The following LRRC4C variants were observed in gnomAD, a reference collection of about 807,000 sequenced individuals.
LRRC4C encodes leucine-rich repeat-containing protein 4C.
Under a neutral mutation model 33.6 loss-of-function variants are expected in LRRC4C, and 5 were observed. The ratio of observed to expected loss-of-function variants is 0.15; its 90% CI spans 0.08 to 0.31. The LOEUF (loss-of-function observed/expected upper bound fraction) is 0.31. Among genes scored for constraint, LRRC4C ranks in the 10% least tolerant of loss-of-function variants. The pLI, the probability that LRRC4C is intolerant of heterozygous loss-of-function variation, is 1.00. For synonymous variants in LRRC4C, 329 were observed against 302.0 expected (o/e 1.09, Z -0.93); for missense variants, 560 against 796.7 (o/e 0.70, Z 3.58).
chr11:40,984,893 C>CTGTTTTTTTTTTTTTTTT (rs1852880125), intron 1 of LRRC4C, among the ~76,000 whole-genome samples: 1 of 52,246 alleles, frequency 1.9e-5, no homozygotes. Flanking sequence ...CTCACTGACA[C>CTGTTTTTTTTTTTTTTTT]TTTTTTTTTT....
At chr11:41,265,083 T>G (rs1949104719) in intron 1 of LRRC4C, among the ~76,000 whole-genome samples, 1 of 152,126 alleles carries the variant, frequency 6.6e-6, no homozygotes, top group Non-Finnish European at 1.5e-5. Flanking sequence ...TTGCAGAAGC[T>G]CCATAATTTT....
intron 2 of LRRC4C, among the ~76,000 whole-genome samples, chr11:40,882,214 T>A (rs1955214930): frequency 6.6e-6 from 1 of 152,100 alleles, no homozygotes; most frequent in African/African-American, 2.4e-5. Context: ...CCACAAGTGA[T>A]CATCTGGAAA....
chr11:40,336,686 C>T (rs115842613), intron 3 of LRRC4C, among the ~76,000 whole-genome samples: 1,782 of 152,034 alleles, frequency 0.012, 34 homozygotes, highest in African/African-American at 0.04. Flanking sequence ...TGCAGAAGAG[C>T]GAATCAGGGG....
At chr11:40,597,498 T>G (rs1221369554) in intron 3 of LRRC4C, among the ~76,000 whole-genome samples, 1 of 152,206 alleles carries the variant, frequency 6.6e-6, no homozygotes, top group African/African-American at 2.4e-5. Flanking sequence ...TGTATTTCAC[T>G]TCTCATCATT....
chr11:40,954,869 G>A (rs1297615820), intron 1 of LRRC4C, among the ~76,000 whole-genome samples: 2 of 151,772 alleles, frequency 1.3e-5, no homozygotes, highest in Non-Finnish European at 2.9e-5. Flanking sequence ...ACAACAGCAG[G>A]AATTACAGAA....
At chr11:40,857,848 G>A (rs1448446988) in intron 2 of LRRC4C, among the ~76,000 whole-genome samples, 1 of 151,918 alleles carries the variant, frequency 6.6e-6, no homozygotes, top group Non-Finnish European at 1.5e-5. Flanking sequence ...CCAGGAGGTC[G>A]AGGCTGCATT....
chr11:40,200,779 A>AG, intron 5 of LRRC4C, among the ~76,000 whole-genome samples: 2 of 149,332 alleles, frequency 1.3e-5, no homozygotes, highest in South Asian at 2.1e-4. Flanking sequence ...AAAAAAAAAA[A>AG]AAAAAAAAAG....
At chr11:41,161,155 G>A (rs768071164) in intron 1 of LRRC4C, among the ~76,000 whole-genome samples, 4 of 152,096 alleles carry the variant, frequency 2.6e-5, no homozygotes, top group Non-Finnish European at 4.4e-5. Context: ...TCCATGTAAC[G>A]TAGTGTGCTT....
chr11:40,538,275 C>T (rs1420891795), intron 3 of LRRC4C, among the ~76,000 whole-genome samples: 1 of 151,802 alleles, frequency 6.6e-6, no homozygotes, highest in African/African-American at 2.4e-5. Flanking sequence ...TAATGCTATC[C>T]CTCCCCCTTC....
Position 41,366,199 on chromosome 11 carries a change from CAGATAGATAGATAGATAGAT to C in LRRC4C, c.-496+93212_-496+93231del, listed in dbSNP as rs58970527. On this transcript the variant is annotated intron_variant, in intron 1 of 6. Coordinates refer to ENST00000528697, the MANE Select transcript of LRRC4C (RefSeq NM_001258419.2). ...ATATCTAGATAGATAGATAGATAGA[CAGATAGATAGATAGATAGAT>C]AGATAGATAGATAGATAGATAGATA... 4.6e-3 allele frequency among the ~76,000 whole-genome samples: 690 copies of C among 148,792 alleles called. 6 individuals carry two copies. The highest frequency in any genetic ancestry group is 0.016 in the African/African-American group (649 of 40,050).
chr11:40,624,945 T>C (rs1479768325), intron 3 of LRRC4C, among the ~76,000 whole-genome samples: 1 of 152,120 alleles, frequency 6.6e-6, no homozygotes, highest in Admixed American at 6.5e-5. Flanking sequence ...GAGGCCATAG[T>C]AAGCTCAAAG....
intron 2 of LRRC4C, among the ~76,000 whole-genome samples, chr11:40,907,267 T>C (rs1011389258): frequency 4.6e-5 from 7 of 152,180 alleles, no homozygotes; most frequent in African/African-American, 1.7e-4. Context: ...CTTTTTCCTG[T>C]AGCTGGACAC....
chr11:40,260,593 C>T (rs921938596), intron 4 of LRRC4C, among the ~76,000 whole-genome samples: 1 of 151,926 alleles, frequency 6.6e-6, no homozygotes, highest in African/African-American at 2.4e-5. Context: ...CAAAAATGTC[C>T]CGTTTACCAC....
intron 6 of LRRC4C, among the ~76,000 whole-genome samples, chr11:40,127,697 G>A (rs1049763409): frequency 3.3e-5 from 5 of 152,088 alleles, no homozygotes; most frequent in Non-Finnish European, 7.4e-5. Context: ...GAATGGAACC[G>A]ATCTCCAATC....
chr11:40,114,301 T>C lies in LRRC4C; in HGVS notation c.*69A>G. 6.9e-7 allele frequency: 1 copy of C among 1,446,554 alleles called. No homozygotes were observed. The allele number at this position is 1,446,554 out of a possible 1,614,324, so 89.6% of individuals were successfully genotyped here. A position where few individuals can be genotyped will look rare whatever the true frequency, so the allele number is the denominator to read the frequency against. On this transcript the variant is annotated 3_prime_UTR_variant, in exon 7 of 7. Coordinates refer to ENST00000528697, the MANE Select transcript of LRRC4C (RefSeq NM_001258419.2). ...TTTTGAAACAGTAGATTTAGCCCAG[T>C]CATTTGTGTCATTTTTAATAAACTG... is the stretch of plus-strand genomic sequence containing the variant.
intron 1 of LRRC4C, among the ~76,000 whole-genome samples, chr11:41,131,493 C>T (rs1014569419): frequency 7.2e-5 from 11 of 151,934 alleles, no homozygotes; most frequent in African/African-American, 1.9e-4. Context: ...ATTATAGTTA[C>T]GACCATGTAT....
At chr11:40,606,561 T>C (rs1425659073) in intron 3 of LRRC4C, among the ~76,000 whole-genome samples, 2 of 149,340 alleles carry the variant, frequency 1.3e-5, no homozygotes, top group Admixed American at 6.6e-5. Flanking sequence ...TCCCAGAAAA[T>C]GACCCTAAAA....
At chr11:40,667,249 A>C (rs1436005769) in intron 2 of LRRC4C, among the ~76,000 whole-genome samples, 1 of 152,232 alleles carries the variant, frequency 6.6e-6, no homozygotes, top group East Asian at 1.9e-4. Context: ...TTCTATGAGG[A>C]GCTCAATTAA....
intron 3 of LRRC4C, among the ~76,000 whole-genome samples, chr11:40,548,939 T>A (rs1339859443): frequency 2.6e-5 from 4 of 152,076 alleles, no homozygotes; most frequent in African/African-American, 7.2e-5. Flanking sequence ...CAGAAAAGAT[T>A]TCTGGAACCA....
Sources: gnomAD v4.1 joint callset for allele counts (sites outside exome capture counted in the v4.1 genomes callset) on GRCh38, gnomAD v4.1.1 for gene constraint, MANE v1.5 for transcripts, NCBI Gene and HGNC (gene_info 2026-07-23, HGNC 2026-07-21) for gene names.